WDR7: variants seen among roughly 807,000 people sequenced by gnomAD.
The protein encoded by WDR7 is WD repeat domain 7.
Under a neutral mutation model 169.4 loss-of-function variants are expected in WDR7, and 46 were observed. The observed-to-expected ratio is 0.27, with a 90% CI of 0.21 to 0.35. WDR7 has a LOEUF of 0.35. WDR7 is among the 10% of genes least tolerant of loss of function. The probability of loss-of-function intolerance (pLI) is 1.00; values close to 1 mark genes in which losing one functional copy is unlikely to be tolerated. For missense variants in WDR7, 1,534 were observed against 1,859.3 expected (o/e 0.83, Z 3.22); for synonymous variants, 612 against 666.8 (o/e 0.92, Z 1.27).
intron 20 of WDR7, among the ~76,000 whole-genome samples, chr18:56,852,218 A>G (rs1372975030): frequency 2.6e-5 from 4 of 152,180 alleles, no homozygotes; most frequent in Non-Finnish European, 4.4e-5. Flanking sequence ...ATATCTCAGT[A>G]GCTGGACCTT....
At chr18:56,860,838 C>CT (rs541449673) in intron 20 of WDR7, among the ~76,000 whole-genome samples, 55 of 149,686 alleles carry the variant, frequency 3.7e-4, no homozygotes, top group Non-Finnish European at 6.7e-4. Context: ...TTTTCTGCCT[C>CT]TTTTTTTTTC....
chr18:56,961,745 A>G (rs1568288215), intron 25 of WDR7, among the ~76,000 whole-genome samples: 1 of 152,156 alleles, frequency 6.6e-6, no homozygotes, highest in African/African-American at 2.4e-5. Context: ...GCTAAATCCT[A>G]TTTTTATGCA....
At chr18:56,730,023 G>A (rs1465494984) in intron 13 of WDR7, among the ~76,000 whole-genome samples, 6 of 151,740 alleles carry the variant, frequency 4.0e-5, no homozygotes, top group Non-Finnish European at 7.4e-5. Flanking sequence ...ACATTATTTT[G>A]TTGGCTTATT....
intron 21 of WDR7, among the ~76,000 whole-genome samples, chr18:56,887,077 C>T (rs1051726349): frequency 3.9e-5 from 6 of 152,004 alleles, no homozygotes; most frequent in Middle Eastern, 3.2e-3. Context: ...ATTGTTACTA[C>T]TATCACTAGA....
intron 16 of WDR7, among the ~76,000 whole-genome samples, chr18:56,766,696 C>A (rs890084743): frequency 6.6e-6 from 1 of 152,046 alleles, no homozygotes. Context: ...CAGCTGTCAT[C>A]CAATTCACTT....
chr18:56,786,427 G>A (rs1397129277), intron 19 of WDR7, among the ~76,000 whole-genome samples: 1 of 151,922 alleles, frequency 6.6e-6, no homozygotes, highest in Non-Finnish European at 1.5e-5. Context: ...TACTCGGGAG[G>A]CTTAGGCAGG....
In WDR7 at chr18:57,029,755, G is replaced by A. The variant is rs528552759; in HGVS notation, c.*2548G>A. The stretch of plus-strand genomic sequence containing the variant: ...GACTCTATGTGTGCTGAATGTTCCT[G>A]TGTACATATGTGTGTTAAATAAAAC... On this transcript the variant is annotated 3_prime_UTR_variant, in exon 28 of 28. Coordinates refer to ENST00000254442, the MANE Select transcript of WDR7 (RefSeq NM_015285.3). The A allele has an allele frequency of 6.6e-6, 1 of 152,272 alleles. No individual in the cohort carries two copies. Among genetic ancestry groups the A allele is most frequent in the South Asian group, 2.1e-4 (1 of 4,824 alleles). The allele number at this position is 152,272 out of a possible 1,614,324, so 9.4% of individuals were successfully genotyped here.
intron 26 of WDR7, among the ~76,000 whole-genome samples, chr18:57,003,970 T>C (rs2048019738): frequency 6.6e-6 from 1 of 152,026 alleles, no homozygotes; most frequent in Non-Finnish European, 1.5e-5. Flanking sequence ...TCACATTATA[T>C]GTATGTTATA....
At chr18:56,880,541 C>A (rs2046092675) in intron 21 of WDR7, among the ~76,000 whole-genome samples, 1 of 152,092 alleles carries the variant, frequency 6.6e-6, no homozygotes, top group Non-Finnish European at 1.5e-5. Flanking sequence ...GGGTGGAACA[C>A]CAGTCTTTTC....
intron 1 of WDR7, among the ~76,000 whole-genome samples, chr18:56,653,729 G>A (rs2024706371): frequency 6.6e-6 from 1 of 152,114 alleles, no homozygotes; most frequent in Admixed American, 6.6e-5. Flanking sequence ...GCTTCCAAGT[G>A]CTGCACAATA....
chr18:56,740,482 G>A (rs959100811), intron 14 of WDR7, among the ~76,000 whole-genome samples: 5 of 151,124 alleles, frequency 3.3e-5, no homozygotes, highest in Non-Finnish European at 5.9e-5. Context: ...GACATTGTAG[G>A]TAAAAAAAGT....
intron 20 of WDR7, among the ~76,000 whole-genome samples, chr18:56,834,202 C>A (rs1163247425): frequency 6.6e-6 from 1 of 152,168 alleles, no homozygotes; most frequent in Admixed American, 6.5e-5. Flanking sequence ...TACTAGGTGC[C>A]AGCAAGGTGG....
intron 21 of WDR7, among the ~76,000 whole-genome samples, chr18:56,880,533 G>T (rs2046092612): frequency 6.6e-6 from 1 of 152,180 alleles, no homozygotes; most frequent in South Asian, 2.1e-4. Context: ...CAGGACTGGG[G>T]TGGAACACCA....
intron 14 of WDR7, among the ~76,000 whole-genome samples, chr18:56,746,052 A>G (rs1173886412): frequency 6.6e-6 from 1 of 152,204 alleles, no homozygotes; most frequent in African/African-American, 2.4e-5. Flanking sequence ...GATTTATATG[A>G]CATGGTATTG....
At chr18:56,824,262 T>C (rs1162887091) in intron 20 of WDR7, among the ~76,000 whole-genome samples, 1 of 152,204 alleles carries the variant, frequency 6.6e-6, no homozygotes, top group Non-Finnish European at 1.5e-5. Context: ...TCATGGATCC[T>C]ATCTGGACCC....
chr18:56,933,366 T>C (rs2046916992), intron 22 of WDR7, among the ~76,000 whole-genome samples: 1 of 152,180 alleles, frequency 6.6e-6, no homozygotes, highest in Non-Finnish European at 1.5e-5. Context: ...AGTTGGTCAT[T>C]TTTGTGCCCA....
At chr18:56,980,420 G>T (rs1366094295) in intron 26 of WDR7, among the ~76,000 whole-genome samples, 1 of 152,120 alleles carries the variant, frequency 6.6e-6, no homozygotes, top group South Asian at 2.1e-4. Flanking sequence ...GGCTGAGCTC[G>T]TTCATCCACT....
At chr18:56,808,016 T>A (rs143441410) in intron 19 of WDR7, among the ~76,000 whole-genome samples, 2 of 152,196 alleles carry the variant, frequency 1.3e-5, no homozygotes, top group African/African-American at 4.8e-5. Context: ...GTTATCTTTC[T>A]ATGGCCTTTG....
At chr18:56,663,885 A>G (rs566483580) in intron 1 of WDR7, among the ~76,000 whole-genome samples, 1 of 152,062 alleles carries the variant, frequency 6.6e-6, no homozygotes, top group African/African-American at 2.4e-5. Flanking sequence ...CAACAACAAC[A>G]TGAGGTAACA....
Sources: allele counts gnomAD v4.1 joint callset (sites outside exome capture counted in the v4.1 genomes callset), GRCh38; gene constraint gnomAD v4.1.1; transcripts MANE v1.5; gene names NCBI Gene and HGNC (gene_info 2026-07-23, HGNC 2026-07-21).